The following MTHFD2L variants were observed in gnomAD, a reference collection of about 807,000 sequenced individuals.
The protein encoded by MTHFD2L is methylenetetrahydrofolate dehydrogenase (NADP+ dependent) 2 like.
Under a neutral mutation model 34.9 loss-of-function variants are expected in MTHFD2L, and 29 were observed. The observed-to-expected ratio is 0.83, with a 90% CI of 0.62 to 1.13. The LOEUF is 1.13. Among genes scored for constraint, MTHFD2L ranks in the 50% most tolerant of loss-of-function variants. The pLI is 0.00. For missense variants in MTHFD2L, 481 were observed against 446.5 expected (o/e 1.08, Z -0.70); for synonymous variants, 167 against 155.7 (o/e 1.07, Z -0.54).
At chr4:74,262,844 A>G (rs1744844621) in intron 6 of MTHFD2L, among the ~76,000 whole-genome samples, 1 of 152,026 alleles carries the variant, frequency 6.6e-6, no homozygotes, top group Admixed American at 6.6e-5. Flanking sequence ...TGTGCACTTC[A>G]TATGACCTAG....
intron 1 of MTHFD2L, among the ~76,000 whole-genome samples, chr4:74,168,071 C>T (rs1727132358): frequency 6.6e-6 from 1 of 152,126 alleles, no homozygotes; most frequent in East Asian, 1.9e-4. Flanking sequence ...CTGGAGTCTC[C>T]ACTTCTCCCC....
At chr4:74,210,236 T>C (rs1025687678) in intron 5 of MTHFD2L, among the ~76,000 whole-genome samples, 3 of 152,228 alleles carry the variant, frequency 2.0e-5, no homozygotes, top group African/African-American at 7.2e-5. Context: ...GCCATTGCTT[T>C]TGATGTTTCA....
At chr4:74,252,577 GAATT>G (rs1258712194) in intron 6 of MTHFD2L, among the ~76,000 whole-genome samples, 5 of 151,906 alleles carry the variant, frequency 3.3e-5, no homozygotes, top group Admixed American at 6.6e-5. Context: ...TTATGAAAAT[GAATT>G]AATTAGAAAT....
intron 4 of MTHFD2L, 41 bp from the exon 5 acceptor site, chr4:74,201,222 T>C (rs1734362749): frequency 6.8e-7 from 1 of 1,463,668 alleles, no homozygotes; most frequent in African/African-American, 1.4e-5. Flanking sequence ...ATTTACTTCT[T>C]GTTGTCAATT....
intron 6 of MTHFD2L, among the ~76,000 whole-genome samples, chr4:74,235,866 T>G (rs1740766937): frequency 6.6e-6 from 1 of 152,158 alleles, no homozygotes; most frequent in Non-Finnish European, 1.5e-5. Context: ...TTTATCGGCT[T>G]GAAAGCATTG....
intron 3 of MTHFD2L, among the ~76,000 whole-genome samples, chr4:74,196,056 GTAGT>G (rs1212811322): frequency 1.3e-5 from 2 of 152,142 alleles, no homozygotes; most frequent in African/African-American, 4.8e-5. Flanking sequence ...CTGAGATGGA[GTAGT>G]TATAAGTGAA....
At chr4:74,255,136 CAAAAAAAAAAA>C (rs34300013) in intron 6 of MTHFD2L, among the ~76,000 whole-genome samples, 2 of 69,182 alleles carry the variant, frequency 2.9e-5, no homozygotes, top group Non-Finnish European at 4.8e-5. Context: ...ACTCCATCTC[CAAAAAAAAAAA>C]AAAAAAAAAA....
At chr4:74,131,924 A>G (rs1722538561) in intron 1 of MTHFD2L, among the ~76,000 whole-genome samples, 1 of 152,228 alleles carries the variant, frequency 6.6e-6, no homozygotes. Context: ...AAGTGGGTGA[A>G]GGATGTGAAC....
chr4:74,259,399 GACCAGGGGAT>G (rs2110218268), intron 6 of MTHFD2L, among the ~76,000 whole-genome samples: 1 of 152,234 alleles, frequency 6.6e-6, no homozygotes, highest in South Asian at 2.1e-4. Flanking sequence ...AAGCTGGGAA[GACCAGGGGAT>G]ACCACCATTC....
chr4:74,276,150 G>A (rs114976284), intron 6 of MTHFD2L, among the ~76,000 whole-genome samples: 1 of 152,098 alleles, frequency 6.6e-6, no homozygotes, highest in African/African-American at 2.4e-5. Context: ...TTTGAAGCAA[G>A]GGTTTCAAAA....
chr4:74,200,253 A>G (rs933320115), intron 4 of MTHFD2L, among the ~76,000 whole-genome samples: 5 of 152,118 alleles, frequency 3.3e-5, no homozygotes, highest in African/African-American at 1.2e-4. Context: ...CGGAGCTTGC[A>G]GTGAGCCGAG....
intron 5 of MTHFD2L, among the ~76,000 whole-genome samples, chr4:74,223,636 T>A (rs200630115): frequency 6.1e-5 from 1 of 16,302 alleles, no homozygotes; most frequent in Non-Finnish European, 4.1e-4. Flanking sequence ...TAAAAACAAA[T>A]AAAAATAAAT....
intron 5 of MTHFD2L, among the ~76,000 whole-genome samples, chr4:74,215,631 G>C (rs1388026844): frequency 1.3e-5 from 2 of 151,680 alleles, no homozygotes; most frequent in Non-Finnish European, 2.9e-5. Context: ...GACTGGAGCT[G>C]CTCCTATTTG....
At chr4:74,239,605 G>A (rs1327996587) in intron 6 of MTHFD2L, among the ~76,000 whole-genome samples, 5 of 152,016 alleles carry the variant, frequency 3.3e-5, no homozygotes, top group Non-Finnish European at 5.9e-5. Context: ...GTTACAAAAT[G>A]TGAGAATTAA....
chr4:74,211,942 A>G lies in MTHFD2L; in HGVS notation c.712+10572A>G, dbSNP rs181316395. 9.3e-3 allele frequency among the ~76,000 whole-genome samples: 1,413 copies of G among 151,818 alleles called. 29 individuals carry two copies. The highest frequency in any genetic ancestry group is 0.032 in the African/African-American group (1,337 of 41,368). On this transcript the variant is annotated intron_variant, in intron 5 of 7. Transcript: ENST00000325278. ...GGTGTATGTGTCCAGGAATGTATCCATTTCTTCTAGATTTTCTAGTTTATT... is the reference window on the plus strand; with the variant it reads ...GGTGTATGTGTCCAGGAATGTATCCGTTTCTTCTAGATTTTCTAGTTTATT...
intron 5 of MTHFD2L, among the ~76,000 whole-genome samples, chr4:74,213,032 T>C (rs1156691005): frequency 1.3e-5 from 2 of 152,198 alleles, no homozygotes; most frequent in Middle Eastern, 3.4e-3. Flanking sequence ...TTTTTTTTTT[T>C]GCTTTCCATT....
chr4:74,176,109 A>T (rs188255482), intron 3 of MTHFD2L, among the ~76,000 whole-genome samples: 17 of 152,056 alleles, frequency 1.1e-4, no homozygotes. Flanking sequence ...CATTGGCGTC[A>T]CTTCATCTGA....
At chr4:74,172,855 G>T (rs753395788) in intron 1 of MTHFD2L, among the ~76,000 whole-genome samples, 14 of 152,070 alleles carry the variant, frequency 9.2e-5, no homozygotes, top group Non-Finnish European at 1.9e-4. Context: ...GTGTATTTTC[G>T]ATCAAGTTCT....
At chr4:74,197,122 A>G (rs1733620630) in intron 3 of MTHFD2L, among the ~76,000 whole-genome samples, 1 of 152,246 alleles carries the variant, frequency 6.6e-6, no homozygotes, top group Middle Eastern at 3.4e-3. Flanking sequence ...AGAAGGGGGG[A>G]AAACACAAAG....
Sources: allele counts gnomAD v4.1 joint callset (sites outside exome capture counted in the v4.1 genomes callset), GRCh38; gene constraint gnomAD v4.1.1; transcripts MANE v1.5; gene names NCBI Gene and HGNC (gene_info 2026-07-23, HGNC 2026-07-21).